Variants in CLIC5 observed in about 807,000 individuals in gnomAD.
CLIC5 encodes chloride intracellular channel protein 5.
A neutral mutation model predicts 24.7 loss-of-function variants in CLIC5; 20 were observed. That is an observed-to-expected ratio of 0.81 (90% CI 0.57 to 1.18). The LOEUF (loss-of-function observed/expected upper bound fraction) is 1.18. Ranked by LOEUF, CLIC5 falls within the 50% of genes most tolerant of loss-of-function variation. CLIC5 has a pLI of 0.00. For synonymous variants in CLIC5, 159 were observed against 135.6 expected, an observed-to-expected ratio of 1.17 and a Z score of -1.20; for missense variants, 341 against 326.1, an observed-to-expected ratio of 1.05 and a Z score of -0.35.
chr6:45,930,005 G>A (rs1341431319), intron 4 of CLIC5, among the ~76,000 whole-genome samples: 1 of 152,136 alleles, frequency 6.6e-6, no homozygotes, highest in Non-Finnish European at 1.5e-5. Context: ...GGCTGGGAGG[G>A]AGGAAGGGGA....
intron 1 of CLIC5, among the ~76,000 whole-genome samples, chr6:46,048,213 A>G (rs1472348638): frequency 6.6e-6 from 1 of 152,122 alleles, no homozygotes; most frequent in African/African-American, 2.4e-5. Flanking sequence ...ATATTGGCCA[A>G]GTTGGTCTCG....
At chr6:45,926,813 A>T (rs1763517941) in intron 4 of CLIC5, among the ~76,000 whole-genome samples, 1 of 152,210 alleles carries the variant, frequency 6.6e-6, no homozygotes, top group Non-Finnish European at 1.5e-5. Flanking sequence ...CATCCTAGTG[A>T]GGAGAGCTGC....
chr6:45,889,331 A>G (rs1762330196), intron 6 of CLIC5, among the ~76,000 whole-genome samples: 1 of 152,158 alleles, frequency 6.6e-6, no homozygotes, highest in South Asian at 2.1e-4. Context: ...CCTATTCCTG[A>G]GAGCTCTACC....
intron 1 of CLIC5, among the ~76,000 whole-genome samples, chr6:45,985,187 C>T (rs1017400707): frequency 6.6e-6 from 1 of 152,106 alleles, no homozygotes; most frequent in African/African-American, 2.4e-5. Context: ...GAGCCTGGCC[C>T]CTCTGGGAGC....
rs1765174240 is a variant in CLIC5, at chr6:45,970,752, G to C, written c.64-15508C>G. Among the ~76,000 whole-genome samples, 5 of 152,264 alleles carry C rather than the reference G, an allele frequency of 3.3e-5. No individual in the cohort carries two copies. The South Asian group carries it at 1.0e-3, about 32-fold the overall frequency. On this transcript the variant is annotated intron_variant, in intron 1 of 5. Transcript: ENST00000339561. ...CTGACTGGTGGAAGTCAGACAACCT[G>C]CATACTGGTCCCAGTTGTTCTGCAA...
At chr6:46,036,717 C>T (rs1226291062) in intron 1 of CLIC5, among the ~76,000 whole-genome samples, 2 of 152,156 alleles carry the variant, frequency 1.3e-5, no homozygotes, top group South Asian at 2.1e-4. Flanking sequence ...ATAATGAATA[C>T]CTATTGAATG....
At chr6:46,055,025 C>T (rs574375895) in intron 1 of CLIC5, among the ~76,000 whole-genome samples, 1 of 152,340 alleles carries the variant, frequency 6.6e-6, no homozygotes, top group East Asian at 1.9e-4. Flanking sequence ...TTTCTGTAAA[C>T]TTTTCTCTGA....
intron 1 of CLIC5, among the ~76,000 whole-genome samples, chr6:45,956,255 A>G (rs16874046): frequency 0.053 from 8,080 of 152,266 alleles, 560 homozygotes; most frequent in African/African-American, 0.16. Context: ...ATTCATTTCC[A>G]TAGGGTGGTT....
chr6:45,894,063 G>T (rs1762374014), downstream of CLIC5, among the ~76,000 whole-genome samples: 1 of 152,206 alleles, frequency 6.6e-6, no homozygotes, highest in South Asian at 2.1e-4. Context: ...GTCTAAGAGA[G>T]AGAGAAACTA....
the CLIC5 span, among the ~76,000 whole-genome samples, chr6:46,104,726 C>A: frequency 2.0e-5 from 3 of 150,226 alleles, no homozygotes; most frequent in Non-Finnish European, 3.0e-5. Context: ...CTTCTTTGTA[C>A]CTGTAGGAAG....
intron 2 of CLIC5, among the ~76,000 whole-genome samples, chr6:45,950,636 AG>A (rs1156449057): frequency 6.6e-6 from 1 of 152,192 alleles, no homozygotes; most frequent in African/African-American, 2.4e-5. Context: ...TAGCTGCAAA[AG>A]TAGAAATCAA....
chr6:45,916,235 A>G (rs1763027543), intron 4 of CLIC5, among the ~76,000 whole-genome samples: 1 of 152,228 alleles, frequency 6.6e-6, no homozygotes, highest in Non-Finnish European at 1.5e-5. Context: ...CATTTGAACT[A>G]CTTCATCATC....
intron 2 of CLIC5, among the ~76,000 whole-genome samples, chr6:45,951,617 A>T (rs950609559): frequency 4.6e-5 from 7 of 152,108 alleles, no homozygotes; most frequent in Non-Finnish European, 1.0e-4. Context: ...GGAAAATGGG[A>T]AAGGGGAGGG....
chr6:46,023,994 G>A (rs919881993), intron 1 of CLIC5, among the ~76,000 whole-genome samples: 2 of 151,978 alleles, frequency 1.3e-5, no homozygotes, highest in African/African-American at 2.4e-5. Context: ...GACCAGTAAT[G>A]ATCTTTAATA....
At chr6:45,981,023 T>C (rs1413241412) in intron 1 of CLIC5, among the ~76,000 whole-genome samples, 3 of 152,204 alleles carry the variant, frequency 2.0e-5, no homozygotes, top group African/African-American at 7.2e-5. Flanking sequence ...CAGGCTGAAG[T>C]GCAGTGGTGT....
chr6:45,979,828 T>C (rs1461213332), intron 1 of CLIC5, among the ~76,000 whole-genome samples: 1 of 151,216 alleles, frequency 6.6e-6, no homozygotes, highest in African/African-American at 2.4e-5. Flanking sequence ...TCCCGTTCTG[T>C]AGGTTGTCTG....
intron 1 of CLIC5, among the ~76,000 whole-genome samples, chr6:46,048,526 T>A (rs2127464016): frequency 6.6e-6 from 1 of 152,190 alleles, no homozygotes; most frequent in Admixed American, 6.5e-5. Context: ...TTCCAGTCTC[T>A]TTGCCAGTGG....
intron 1 of CLIC5, among the ~76,000 whole-genome samples, chr6:46,033,867 G>A (rs917242511): frequency 6.6e-6 from 1 of 152,104 alleles, no homozygotes; most frequent in Non-Finnish European, 1.5e-5. Context: ...ACTCTTAAAT[G>A]ACATCTAGAG....
rs537311051 is a variant in CLIC5, at chr6:45,905,874, A to G, written c.589-2619T>C. On this transcript the variant is annotated intron_variant, in intron 5 of 5. Coordinates refer to ENST00000339561, the MANE Select transcript of CLIC5 (RefSeq NM_016929.5). ...TGAGGTAAATCTTTAATCCATATTG[A>G]GTTACTTTTTGTATATGATGAAAGG... Among the ~76,000 whole-genome samples, 5 of 152,220 alleles carry G rather than the reference A, an allele frequency of 3.3e-5. No homozygotes were observed. The South Asian group carries it at 1.0e-3, about 32-fold the overall frequency.
Sources: gnomAD v4.1 joint callset for allele counts (sites outside exome capture counted in the v4.1 genomes callset) on GRCh38, gnomAD v4.1.1 for gene constraint, MANE v1.5 for transcripts, NCBI Gene and HGNC (gene_info 2026-07-23, HGNC 2026-07-21) for gene names.